Variants in ELOVL6 observed in about 807,000 individuals in gnomAD.
ELOVL6 encodes the protein very long chain fatty acid elongase 6.
ELOVL6 carries 8 observed loss-of-function variants against 31.7 expected under a neutral mutation model. The ratio of observed to expected loss-of-function variants is 0.25; its 90% CI spans 0.15 to 0.45. The LOEUF is 0.45. ELOVL6 is among the 20% of genes least tolerant of loss of function. The pLI, the probability that ELOVL6 is intolerant of heterozygous loss-of-function variation, is 1.00. For synonymous variants in ELOVL6, 101 were observed against 117.7 expected (o/e 0.86, Z 0.92); for missense variants, 126 against 326.4 (o/e 0.39, Z 4.73).
intron 2 of ELOVL6, among the ~76,000 whole-genome samples, chr4:110,084,426 CATATATCATATATG>C (rs372760198): frequency 1.5e-5 from 1 of 67,498 alleles, no homozygotes; most frequent in African/African-American, 5.5e-5. Flanking sequence ...TGATATATCA[CATATATCATATATG>C]ATATATCGCA....
chr4:110,156,055 C>G (rs1262118062), intron 1 of ELOVL6, among the ~76,000 whole-genome samples: 2 of 152,150 alleles, frequency 1.3e-5, no homozygotes, highest in Non-Finnish European at 2.9e-5. Context: ...GCTTTCCTTT[C>G]TTTAAATACC....
At chr4:110,157,143 G>A (rs1758455568) in intron 1 of ELOVL6, among the ~76,000 whole-genome samples, 1 of 152,160 alleles carries the variant, frequency 6.6e-6, no homozygotes, top group East Asian at 1.9e-4. Context: ...AAGGAGGAGG[G>A]AAAAGAAAGG....
At chr4:110,167,005 A>G (rs1394052995) in intron 1 of ELOVL6, among the ~76,000 whole-genome samples, 1 of 152,194 alleles carries the variant, frequency 6.6e-6, no homozygotes, top group Non-Finnish European at 1.5e-5. Context: ...CTGTCTGCCA[A>G]TGCTAGGACA....
chr4:110,158,383 A>T (rs1192176444), intron 1 of ELOVL6, among the ~76,000 whole-genome samples: 1 of 151,906 alleles, frequency 6.6e-6, no homozygotes, highest in Non-Finnish European at 1.5e-5. Context: ...CACCTGTGAG[A>T]TCAACCTACA....
chr4:110,081,586 A>G (rs1292488479), intron 2 of ELOVL6, among the ~76,000 whole-genome samples: 1 of 151,450 alleles, frequency 6.6e-6, no homozygotes, highest in Non-Finnish European at 1.5e-5. Context: ...TTATACAAAA[A>G]TTAATTCAAG....
rs373464929 is a variant in ELOVL6, at chr4:110,105,490, A to C, written c.221+7T>G. The C allele has an allele frequency of 3.8e-6, 6 of 1,589,302 alleles. No homozygotes were observed. The African/African-American group carries it at 8.2e-5, about 22-fold the overall frequency. On this transcript the variant is annotated splice_region_variant and intron_variant, in intron 2 of 3. Coordinates refer to ENST00000302274, the MANE Select transcript of ELOVL6 (RefSeq NM_024090.3). ...TACGTTTTATTAGAAAAATGAAAAA[A>C]ACCTACCTGAAGACTGCAAGGGTCA...
chr4:110,166,311 C>A (rs1370730874), intron 1 of ELOVL6, among the ~76,000 whole-genome samples: 1 of 152,104 alleles, frequency 6.6e-6, no homozygotes, highest in African/African-American at 2.4e-5. Context: ...AACAAGAATT[C>A]TCTTAAATTC....
intron 3 of ELOVL6, among the ~76,000 whole-genome samples, chr4:110,053,321 C>T (rs936865238): frequency 5.3e-5 from 8 of 152,192 alleles, no homozygotes; most frequent in African/African-American, 1.7e-4. Context: ...TCATGTACTT[C>T]ACAGATGGCC....
chr4:110,056,128 G>T (rs543140083), intron 3 of ELOVL6, among the ~76,000 whole-genome samples: 5 of 143,190 alleles, frequency 3.5e-5, no homozygotes, highest in Non-Finnish European at 7.5e-5. Flanking sequence ...GAGCTGGGGG[G>T]GGGGATACAG....
At chr4:110,066,858 C>A (rs190860266) in intron 2 of ELOVL6, among the ~76,000 whole-genome samples, 1 of 152,176 alleles carries the variant, frequency 6.6e-6, no homozygotes, top group Admixed American at 6.5e-5. Context: ...ATCAACGCAT[C>A]ATCTAGGTTT....
rs889297616 is a variant in ELOVL6, at chr4:110,049,259, T to C, written c.*2079A>G. The C allele has an allele frequency of 2.0e-5, 3 of 152,254 alleles. No individual in the cohort carries two copies. The highest frequency in any genetic ancestry group is 7.2e-5 in the African/African-American group (3 of 41,468). The allele number at this position is 152,254 out of a possible 1,614,324, so 9.4% of individuals were successfully genotyped here. On this transcript the variant is annotated 3_prime_UTR_variant, in exon 4 of 4. Coordinates refer to ENST00000302274, the MANE Select transcript of ELOVL6 (RefSeq NM_024090.3). ...CCTATGAACCAACATCAAGACATTA[T>C]AGACTGCTCACAATCATTTAACATA...
intron 2 of ELOVL6, among the ~76,000 whole-genome samples, chr4:110,060,325 C>T (rs1481759512): frequency 6.6e-6 from 1 of 152,144 alleles, no homozygotes; most frequent in Non-Finnish European, 1.5e-5. Flanking sequence ...CAGAATGAGA[C>T]TCCTTCAAAA....
chr4:110,104,259 A>T (rs926456045), intron 2 of ELOVL6, among the ~76,000 whole-genome samples: 1 of 152,246 alleles, frequency 6.6e-6, no homozygotes, highest in African/African-American at 2.4e-5. Flanking sequence ...TGTCAACCTT[A>T]AATGTAAATA....
At chr4:110,077,721 G>A (rs1238766186) in intron 2 of ELOVL6, among the ~76,000 whole-genome samples, 3 of 152,178 alleles carry the variant, frequency 2.0e-5, no homozygotes, top group Admixed American at 1.3e-4. Context: ...CACCAGCAAT[G>A]GAACAAAGCT....
At chr4:110,196,072 A>C (rs1759767985) in intron 1 of ELOVL6, among the ~76,000 whole-genome samples, 1 of 152,198 alleles carries the variant, frequency 6.6e-6, no homozygotes, top group Non-Finnish European at 1.5e-5. Context: ...TGGAGAGAAG[A>C]GGCGGGAAAT....
At chr4:110,116,360 T>C (rs1757169599) in intron 1 of ELOVL6, among the ~76,000 whole-genome samples, 1 of 152,146 alleles carries the variant, frequency 6.6e-6, no homozygotes, top group Non-Finnish European at 1.5e-5. Context: ...TGGTTTGCCA[T>C]CCCCAAAGCC....
At chr4:110,169,908 G>A (rs1410345518) in intron 1 of ELOVL6, among the ~76,000 whole-genome samples, 2 of 150,746 alleles carry the variant, frequency 1.3e-5, no homozygotes, top group Non-Finnish European at 1.5e-5. Flanking sequence ...AGGTTCAAGC[G>A]ATTCTCTTGC....
intron 1 of ELOVL6, among the ~76,000 whole-genome samples, chr4:110,124,703 G>A (rs2126255146): frequency 6.7e-6 from 1 of 150,356 alleles, no homozygotes; most frequent in East Asian, 1.9e-4. Flanking sequence ...CATGTATCCT[G>A]GAACTTAAAA....
intron 1 of ELOVL6, among the ~76,000 whole-genome samples, chr4:110,143,477 C>G (rs1758021869): frequency 6.6e-6 from 1 of 152,030 alleles, no homozygotes; most frequent in Non-Finnish European, 1.5e-5. Context: ...TATAGAATAA[C>G]CCATCCTAAG....
Sources: gnomAD v4.1 joint callset for allele counts (sites outside exome capture counted in the v4.1 genomes callset) on GRCh38, gnomAD v4.1.1 for gene constraint, MANE v1.5 for transcripts, NCBI Gene and HGNC (gene_info 2026-07-23, HGNC 2026-07-21) for gene names.